Variants in TJP1 observed in about 807,000 individuals in gnomAD.
The protein encoded by TJP1 is tight junction protein 1, also known as tight junction protein ZO-1.
Under a neutral mutation model 194.2 loss-of-function variants are expected in TJP1, and 43 were observed. That is an observed-to-expected ratio of 0.22 (90% confidence interval 0.17 to 0.29). The LOEUF (loss-of-function observed/expected upper bound fraction) is 0.29, where lower values mean the gene tolerates loss of function less well. TJP1 is among the 10% of genes least tolerant of loss of function. The pLI is 1.00. For synonymous variants in TJP1, 801 were observed against 779.0 expected, an observed-to-expected ratio of 1.03 and a Z score of -0.47; for missense variants, 1,971 against 2,185.7, an observed-to-expected ratio of 0.90 and a Z score of 1.96.
chr15:29,870,180 G>C (rs902393175), intron 2 of TJP1, among the ~76,000 whole-genome samples: 26 of 151,620 alleles, frequency 1.7e-4, no homozygotes, highest in Admixed American at 5.9e-4. Flanking sequence ...GCCCAGAGCA[G>C]AGGCTCAAAA....
At position 29,734,380 on chromosome 15, in the gene TJP1, T is replaced by A. The variant is rs1325820283; in HGVS notation, c.1410A>T (p.Val470=). 1.2e-6 allele frequency: 2 copies of A among 1,601,424 alleles called. No individual in the cohort carries two copies. The highest frequency in any genetic ancestry group is 8.5e-7 in the Non-Finnish European group (1 of 1,171,938). ...TGATATTTGTAAAATCTACGTTGTTTACCTAATAAATAAGATTTCATAAAT... is the reference window on the plus strand; with the variant it reads ...TGATATTTGTAAAATCTACGTTGTTAACCTAATAAATAAGATTTCATAAAT... ...GLEEGDQILR[V]NNVDFTNIIR... Residue 470 remains valine, a splice_region_variant and synonymous_variant, in exon 12 of 28, where the codon GTA becomes GTT. Transcript: ENST00000614355.
intron 2 of TJP1, among the ~76,000 whole-genome samples, chr15:29,936,711 C>T (rs1025048792): frequency 1.3e-5 from 2 of 152,114 alleles, no homozygotes; most frequent in Non-Finnish European, 2.9e-5. Flanking sequence ...ATCTCAATCC[C>T]GCAAATTATT....
At position 29,822,136 on chromosome 15, in the gene TJP1, C is replaced by T. The variant is rs1229290441; in HGVS notation, c.-108G>A. 8.4e-7 allele frequency: 1 copy of T among 1,189,954 alleles called. No individual in the cohort carries two copies. The highest frequency in any genetic ancestry group is 1.0e-6 in the Non-Finnish European group (1 of 959,574). 73.7% of individuals were successfully genotyped at this position (1,189,954 alleles called of 1,614,324 possible). The stretch of plus-strand genomic sequence containing the variant: ...CAAATAAACATCTCCCGAGAGCGAG[C>T]GGGGCACGGGCGGGGGCGGCCGGAA... On this transcript the variant is annotated 5_prime_UTR_variant, in exon 1 of 28. Coordinates refer to ENST00000614355, the MANE Select transcript of TJP1 (RefSeq NM_001330239.4).
chr15:29,942,995 G>C (rs1596298876), intron 2 of TJP1, among the ~76,000 whole-genome samples: 2 of 152,234 alleles, frequency 1.3e-5, no homozygotes, highest in South Asian at 4.2e-4. Context: ...ATACAAGAAG[G>C]AACAAACTAC....
intron 2 of TJP1, among the ~76,000 whole-genome samples, chr15:29,933,697 A>AGCC (rs2054792990): frequency 1.3e-5 from 2 of 152,206 alleles, no homozygotes; most frequent in Non-Finnish European, 2.9e-5. Flanking sequence ...TCAAGATATT[A>AGCC]GAGATCTGTT....
intron 2 of TJP1, among the ~76,000 whole-genome samples, chr15:29,787,939 T>C (rs1021645446): frequency 8.5e-5 from 13 of 152,332 alleles, no homozygotes; most frequent in Admixed American, 2.0e-4. Context: ...CTATCAGCAA[T>C]GTACAAAGGT....
rs77785530 is a variant in TJP1, at chr15:29,836,957, T to A, written c.307-36255A>T. Among the ~76,000 whole-genome samples, 1,156 of 152,258 alleles carry A rather than the reference T, an allele frequency of 7.6e-3. 14 individuals are homozygous for A. The highest frequency in any genetic ancestry group is 0.027 in the African/African-American group (1,113 of 41,546). ...GCGCAGCCCCCTTGGACCTTGCAGC[T>A]TCCAAAACAGTGAGAAATAAATTTA... On this transcript the variant is annotated intron_variant, in intron 2 of 28. Coordinates refer to the TJP1 transcript ENST00000356107.
chr15:29,749,275 TGA>T (rs1190402023), intron 8 of TJP1, among the ~76,000 whole-genome samples: 3 of 152,126 alleles, frequency 2.0e-5, no homozygotes, highest in Non-Finnish European at 4.4e-5. Context: ...AAGGAGTCTC[TGA>T]GAGAGATTTT....
chr15:29,801,741 G>A (rs993658822), intron 1 of TJP1, among the ~76,000 whole-genome samples: 9 of 151,996 alleles, frequency 5.9e-5, no homozygotes, highest in Admixed American at 3.9e-4. Context: ...GATTACAGGC[G>A]TGAGCCACCG....
intron 2 of TJP1, among the ~76,000 whole-genome samples, chr15:29,948,392 T>C (rs909857680): frequency 6.6e-6 from 1 of 152,244 alleles, no homozygotes; most frequent in Non-Finnish European, 1.5e-5. Flanking sequence ...TATATTCTTA[T>C]GGCCATTATT....
chr15:29,879,669 A>T (rs1282007822), intron 2 of TJP1, among the ~76,000 whole-genome samples: 1 of 151,952 alleles, frequency 6.6e-6, no homozygotes, highest in Non-Finnish European at 1.5e-5. Flanking sequence ...TGGAATTGTG[A>T]CATCAGGTGT....
At chr15:29,941,566 C>T (rs1195154463) in intron 2 of TJP1, among the ~76,000 whole-genome samples, 3 of 152,224 alleles carry the variant, frequency 2.0e-5, no homozygotes, top group African/African-American at 4.8e-5. Context: ...GCTCCATCTC[C>T]GGTCCCCCCT....
upstream of TJP1, chr15:29,823,766 G>C (rs1596046293): frequency 6.6e-6 from 1 of 152,252 alleles, no homozygotes; most frequent in African/African-American, 2.4e-5. Context: ...TAATTGTTTT[G>C]CTTTTGGACA....
At chr15:29,707,771 T>C (rs756165191) in intron 25 of TJP1, among the ~76,000 whole-genome samples, 9 of 152,240 alleles carry the variant, frequency 5.9e-5, no homozygotes, top group Non-Finnish European at 1.2e-4. Context: ...CAGAGGTTAT[T>C]CTATTTTTCT....
chr15:29,752,802 A>G (rs2045375068), intron 8 of TJP1, among the ~76,000 whole-genome samples: 1 of 152,208 alleles, frequency 6.6e-6, no homozygotes, highest in Non-Finnish European at 1.5e-5. Flanking sequence ...TTCTAACCAA[A>G]TTTTTTAAAA....
At chr15:29,886,784 T>C (rs958896028) in intron 2 of TJP1, among the ~76,000 whole-genome samples, 2 of 151,584 alleles carry the variant, frequency 1.3e-5, no homozygotes, top group African/African-American at 2.4e-5. Context: ...GTGAGAAATA[T>C]AAAAAGTAAG....
chr15:29,949,274 A>T (rs1567224331), intron 2 of TJP1, among the ~76,000 whole-genome samples: 5 of 105,266 alleles, frequency 4.7e-5, no homozygotes, highest in Non-Finnish European at 9.1e-5. Context: ...CACCACCTCC[A>T]TCACCTCCAC....
At chr15:29,734,415 CTGTT>C (rs2043882790) in intron 11 of TJP1, 33 bp from the exon 12 acceptor site, 1 of 1,499,370 alleles carries the variant, frequency 6.7e-7, no homozygotes. Flanking sequence ...TCATTCTTGG[CTGTT>C]TAAGAATATG....
At chr15:29,829,968 A>G (rs551403115) in intron 2 of TJP1, among the ~76,000 whole-genome samples, 15 of 152,202 alleles carry the variant, frequency 9.9e-5, no homozygotes, top group Non-Finnish European at 2.1e-4. Flanking sequence ...GATATGCCCT[A>G]TAAACCACTT....
Sources: allele counts gnomAD v4.1 joint callset (sites outside exome capture counted in the v4.1 genomes callset), GRCh38; gene constraint gnomAD v4.1.1; transcripts MANE v1.5; gene names NCBI Gene and HGNC (gene_info 2026-07-23, HGNC 2026-07-21).